WDR6: variants seen among roughly 807,000 people sequenced by gnomAD.
The protein encoded by WDR6 is tRNA (34-2'-O)-methyltransferase regulator WDR6.
A neutral mutation model predicts 85.6 loss-of-function variants in WDR6; 58 were observed. That is an observed-to-expected ratio of 0.68 (90% CI 0.55 to 0.84). The LOEUF is 0.84. WDR6 is among the 40% of genes least tolerant of loss of function. WDR6 has a pLI of 0.00. For synonymous variants in WDR6, 569 were observed against 582.2 expected (o/e 0.98, Z 0.33); for missense variants, 1,310 against 1,476.4 (o/e 0.89, Z 1.85).
At position 49,012,740 on chromosome 3, in the gene WDR6, C is replaced by T. The variant is rs545657043; in HGVS notation, c.1206C>T (p.Pro402=). The T allele has an allele frequency of 1.4e-5, 22 of 1,613,792 alleles. No individual in the cohort carries two copies. The highest frequency in any genetic ancestry group is 6.7e-5 in the Admixed American group (4 of 59,990). ...GCCTGCTGGAGGCAGCTCCTGGTCCCGAGGGCTTCGGATTGTGTGCTATGG... is the reference window on the plus strand; with the variant it reads ...GCCTGCTGGAGGCAGCTCCTGGTCCTGAGGGCTTCGGATTGTGTGCTATGG... The part of the protein sequence containing the change: ...SYCLLEAAPG[P]EGFGLCAMAN... The change falls in exon 2 of 6, where the codon CCC becomes CCT. Residue 402 remains proline, a synonymous_variant. Transcript: ENST00000608424. This position sits in a 1 kb window ranked among gnomAD's most constrained non-coding sequence, Gnocchi z 4.4.
At position 49,015,134 on chromosome 3, in the gene WDR6, G is replaced by C. The variant is rs1166535144; in HGVS notation, c.3212G>C (p.Trp1071Ser). The change falls in exon 6 of 6, where the codon TGG becomes TCG. Residue 1071 changes from tryptophan to serine, a missense_variant. Trp to Ser is a radical substitution (Grantham distance 177). Transcript: ENST00000608424. ...TCCATTGATCAACGGCTGACCTTCTGGCGTCTGGGGCATGGTGAACCCACC... is the reference window on the plus strand; with the variant it reads ...TCCATTGATCAACGGCTGACCTTCTCGCGTCTGGGGCATGGTGAACCCACC... Reference protein sequence around the residue: ...SASIDQRLTFWRLGHGEPTFM... With the variant: ...SASIDQRLTFSRLGHGEPTFM... 6.2e-7 allele frequency: 1 copy of C among 1,613,860 alleles called. No homozygotes were observed. The highest frequency in any genetic ancestry group is 1.7e-5 in the Admixed American group (1 of 60,004).
chr3:49,013,853 T>C lies in WDR6; in HGVS notation c.2319T>C (p.His773=), dbSNP rs2093032414. 1.2e-6 allele frequency: 2 copies of C among 1,614,064 alleles called. No homozygotes were observed. The highest frequency in any genetic ancestry group is 1.3e-5 in the African/African-American group (1 of 75,022). ...ACGCACTCACAGCTGTTTGTAACCA[T>C]ATCTCCTCGGTACGTGCTGTGGCTG... ...SAHALTAVCN[H]ISSVRAVAVW... is the part of the protein sequence containing the mutation. Residue 773 remains histidine (H), a synonymous_variant, in exon 2 of 6, where the codon CAT becomes CAC. Transcript: ENST00000608424. The surrounding 1 kb of genome is among the most constrained non-coding windows in gnomAD (Gnocchi z 4.6).
chr3:49,011,535 A>T, intron 1 of WDR6, 100 bp from the exon 2 acceptor site: 1 of 1,612,446 alleles, frequency 6.2e-7, no homozygotes. Context: ...TGATGCATTC[A>T]TAGGCTACAT....
chr3:49,014,781 T>G lies in WDR6; in HGVS notation c.2903-44T>G. 2 of 1,605,970 alleles carry G rather than the reference T, an allele frequency of 1.2e-6. No homozygotes were observed. Among genetic ancestry groups the G allele is most frequent in the Non-Finnish European group, 1.7e-6 (2 of 1,174,632 alleles). On this transcript the variant is annotated intron_variant, in intron 5 of 5. Coordinates refer to ENST00000608424, the MANE Select transcript of WDR6 (RefSeq NM_018031.6). The surrounding 1 kb of genome is among the most constrained non-coding windows in gnomAD (Gnocchi z 4.9). ...ACCTGTCACATAGCCCTCACACATG[T>G]GGCAGGCGGGGCCCTGACAACTACC...
In WDR6 at chr3:49,012,368, T is replaced by C. The variant is rs149007635; in HGVS notation, c.834T>C (p.Cys278=). The change falls in exon 2 of 6, where the codon TGT becomes TGC. Residue 278 remains cysteine, a synonymous_variant. Transcript: ENST00000608424. This position sits in a 1 kb window ranked among gnomAD's most constrained non-coding sequence, Gnocchi z 4.4. ...ENYLISAGED[C]VCLVWSHEGE... is the part of the protein sequence containing the mutation. ...ACCTTATCAGTGCAGGAGAGGATTGTGTCTGCTTGGTGTGGAGCCATGAAG... is the reference window on the plus strand; with the variant it reads ...ACCTTATCAGTGCAGGAGAGGATTGCGTCTGCTTGGTGTGGAGCCATGAAG... The C allele has an allele frequency of 3.0e-4, 490 of 1,614,194 alleles. 3 individuals carry two copies. The East Asian group carries it at 0.011, about 35-fold the overall frequency.
At position 49,015,456 on chromosome 3, in the gene WDR6, A is replaced by G. The variant is rs1435976055; in HGVS notation, c.*168A>G. On this transcript the variant is annotated 3_prime_UTR_variant, in exon 6 of 6. Transcript: ENST00000608424. Reference sequence around the variant, plus strand: ...TGAAGGTGAGTGGAGTGCTGCCAAGAATATGCCCGACTCCCCATGACAAGA... The same window carrying G: ...TGAAGGTGAGTGGAGTGCTGCCAAGGATATGCCCGACTCCCCATGACAAGA... 1 of 1,461,054 alleles carries G rather than the reference A, an allele frequency of 6.8e-7. No individual in the cohort carries two copies. The highest frequency in any genetic ancestry group is 9.4e-7 in the Non-Finnish European group (1 of 1,065,866). The allele number at this position is 1,461,054 out of a possible 1,614,324, so 90.5% of individuals were successfully genotyped here.
chr3:49,011,101 CTTTTT>C, intron 1 of WDR6: 1 of 403,878 alleles, frequency 2.5e-6, no homozygotes, highest in South Asian at 1.8e-5. Flanking sequence ...TTTCTTTTTT[CTTTTT>C]TTTTTTTTGA....
In WDR6 at chr3:49,014,597, C is replaced by A. The variant is rs1184047492; in HGVS notation, c.2784-3C>A. The A allele has an allele frequency of 6.2e-7, 1 of 1,613,618 alleles. No homozygotes were observed. Among genetic ancestry groups the A allele is most frequent in the Non-Finnish European group, 8.5e-7 (1 of 1,179,956 alleles). ...GACCAGGCTGTCTTTTCCTGGCTCT[C>A]AGGAGGCTCCTCCTGTGCAGCGCAG... On this transcript the variant is annotated splice_polypyrimidine_tract_variant and splice_region_variant and intron_variant, in intron 4 of 5. Coordinates refer to ENST00000608424, the MANE Select transcript of WDR6 (RefSeq NM_018031.6). This position sits in a 1 kb window ranked among gnomAD's most constrained non-coding sequence, Gnocchi z 4.9.
Position 49,012,439 on chromosome 3 carries a change from G to A in WDR6, c.905G>A (p.Arg302Gln), listed in dbSNP as rs1408194727. Reference sequence around the variant, plus strand: ...CGGGGACACCAGGGACGTGGGATCCGGGCCATAGCTGCCCATGAGAGGCAG... The same window carrying A: ...CGGGGACACCAGGGACGTGGGATCCAGGCCATAGCTGCCCATGAGAGGCAG... ...AFRGHQGRGI[R>Q]AIAAHERQAW... Residue 302 changes from arginine (R) to glutamine (Q), a missense_variant, in exon 2 of 6, where the codon CGG becomes CAG. Transcript: ENST00000608424. This position sits in a 1 kb window ranked among gnomAD's most constrained non-coding sequence, Gnocchi z 4.4. The A allele has an allele frequency of 3.1e-6, 5 of 1,614,156 alleles. No individual in the cohort carries two copies. Among genetic ancestry groups the A allele is most frequent in the Non-Finnish European group, 2.5e-6 (3 of 1,180,032 alleles).
chr3:49,014,726 G>A lies in WDR6; in HGVS notation c.2902+8G>A, dbSNP rs1270263624. 6.2e-7 allele frequency: 1 copy of A among 1,612,980 alleles called. No individual in the cohort carries two copies. Among genetic ancestry groups the A allele is most frequent in the East Asian group, 2.2e-5 (1 of 44,880 alleles). On this transcript the variant is annotated splice_region_variant and intron_variant, in intron 5 of 5. Coordinates refer to ENST00000608424, the MANE Select transcript of WDR6 (RefSeq NM_018031.6). This position sits in a 1 kb window ranked among gnomAD's most constrained non-coding sequence, Gnocchi z 4.9. ...ATCCTGGGCTTCCCTACCGTGAGTAGCTAATGTGCAACCATGGCTACCCCT... is the reference window on the plus strand; with the variant it reads ...ATCCTGGGCTTCCCTACCGTGAGTAACTAATGTGCAACCATGGCTACCCCT...
At chr3:49,009,799 G>A (rs1463678604) in intron 1 of WDR6, among the ~76,000 whole-genome samples, 1 of 151,474 alleles carries the variant, frequency 6.6e-6, no homozygotes, top group Non-Finnish European at 1.5e-5. Flanking sequence ...GCAATCTCAG[G>A]TCACTGCAAC....
intron 1 of WDR6, among the ~76,000 whole-genome samples, chr3:49,009,623 T>C (rs2093004077): frequency 6.6e-6 from 1 of 152,200 alleles, no homozygotes; most frequent in Non-Finnish European, 1.5e-5. Flanking sequence ...TTGCTAGATG[T>C]CTCCTGTGGG....
In WDR6 at chr3:49,013,952, G is replaced by A. The variant is rs1359093387; in HGVS notation, c.2418G>A (p.Gly806=). The change falls in exon 2 of 6, where the codon GGG becomes GGA. Residue 806 remains glycine (G), a synonymous_variant. Transcript: ENST00000608424. The surrounding 1 kb of genome is among the most constrained non-coding windows in gnomAD (Gnocchi z 4.6). ...PGLTAHVVSA[G]GRAEMHCFSI... ...TGACTGCCCATGTGGTGTCTGCGGGGGGGCGGGCTGAGATGCACTGCTTCA... is the reference window on the plus strand; with the variant it reads ...TGACTGCCCATGTGGTGTCTGCGGGAGGGCGGGCTGAGATGCACTGCTTCA... 1.2e-6 allele frequency: 2 copies of A among 1,612,558 alleles called. No individual in the cohort carries two copies. The highest frequency in any genetic ancestry group is 2.2e-5 in the East Asian group (1 of 44,884).
At position 49,015,889 on chromosome 3, in the gene WDR6, A is replaced by C. The variant is rs750153587; in HGVS notation, c.*601A>C. The C allele has an allele frequency of 1.2e-6, 2 of 1,614,186 alleles. No homozygotes were observed. Among genetic ancestry groups the C allele is most frequent in the South Asian group, 2.2e-5 (2 of 91,088 alleles). ...CTTGCATATCTAGAGACAGAGACTG[A>C]GTCACTGGCCCATCTCTTTGCTCTT... On this transcript the variant is annotated 3_prime_UTR_variant, in exon 6 of 6. Transcript: ENST00000608424.
intron 1 of WDR6, among the ~76,000 whole-genome samples, chr3:49,010,877 TGTG>T (rs1360465162): frequency 3.2e-5 from 4 of 124,744 alleles, no homozygotes; most frequent in East Asian, 4.7e-4. Flanking sequence ...ACTAGCCAGG[TGTG>T]GTGGTGGGCG....
rs766522342 is a variant in WDR6, at chr3:49,013,915, C to G, written c.2381C>G (p.Pro794Arg). ...GGCACCCCAGGTGGCCCTCAGGATC[C>G]TCAGCCAGGCCTGACTGCCCATGTG... Reference protein sequence around the residue: ...GIGTPGGPQDPQPGLTAHVVS... With the variant: ...GIGTPGGPQDRQPGLTAHVVS... The change falls in exon 2 of 6, where the codon CCT becomes CGT. Residue 794 changes from proline (P) to arginine (R), a missense_variant. Pro to Arg is a moderately radical substitution (Grantham distance 103). Coordinates refer to ENST00000608424, the MANE Select transcript of WDR6 (RefSeq NM_018031.6). The surrounding 1 kb of genome is among the most constrained non-coding windows in gnomAD (Gnocchi z 4.6). The G allele has an allele frequency of 3.7e-6, 6 of 1,613,492 alleles. No individual in the cohort carries two copies. The South Asian group carries it at 5.5e-5, about 15-fold the overall frequency.
At chr3:49,009,973 C>G (rs1446953078) in intron 1 of WDR6, among the ~76,000 whole-genome samples, 2 of 151,896 alleles carry the variant, frequency 1.3e-5, no homozygotes, top group Admixed American at 6.6e-5. Flanking sequence ...AGCGAGCCTC[C>G]TGCCTTCCAA....
intron 1 of WDR6, among the ~76,000 whole-genome samples, chr3:49,010,079 G>T (rs2093006261): frequency 2.0e-5 from 3 of 151,960 alleles, no homozygotes; most frequent in South Asian, 2.1e-4. Flanking sequence ...GAGGCTCTGA[G>T]TTTGAGAAAT....
chr3:49,013,266 C>T lies in WDR6; in HGVS notation c.1732C>T (p.His578Tyr), dbSNP rs1371324821. Residue 578 changes from histidine to tyrosine, a missense_variant, in exon 2 of 6, where the codon CAT becomes TAT. Physicochemically the swap from His to Tyr is moderately conservative, Grantham distance 83. Transcript: ENST00000608424. This position sits in a 1 kb window ranked among gnomAD's most constrained non-coding sequence, Gnocchi z 4.6. The part of the protein sequence containing the change: ...GKQGVTSVTC[H>Y]GGYVYTTGRD... ...GCAGGGTGTGACCTCAGTCACATGC[C>T]ATGGTGGCTATGTGTATACCACAGG... 1.2e-6 allele frequency: 2 copies of T among 1,614,092 alleles called. No individual in the cohort carries two copies. Among genetic ancestry groups the T allele is most frequent in the Non-Finnish European group, 1.7e-6 (2 of 1,180,002 alleles).
Sources: gnomAD v4.1 joint callset for allele counts (sites outside exome capture counted in the v4.1 genomes callset) on GRCh38, gnomAD v4.1.1 for gene constraint, Gnocchi (gnomAD v3.1) non-coding constraint, MANE v1.5 for transcripts, NCBI Gene and HGNC (gene_info 2026-07-23, HGNC 2026-07-21) for gene names.